Variants in CNTN4 observed in about 807,000 individuals in gnomAD.
CNTN4 encodes the protein contactin 4, also known as contactin-4.
Under a neutral mutation model 122.5 loss-of-function variants are expected in CNTN4, and 77 were observed. That is an observed-to-expected ratio of 0.63 (90% CI 0.52 to 0.76). CNTN4 has a LOEUF of 0.76. Among genes scored for constraint, CNTN4 ranks in the 30% least tolerant of loss-of-function variants. CNTN4 has a pLI of 0.00. For synonymous variants in CNTN4, 512 were observed against 447.0 expected (o/e 1.15, Z -1.83); for missense variants, 1,256 against 1,259.1 (o/e 1.00, Z 0.04).
chr3:2,289,821 G>T (rs893004248), intron 2 of CNTN4, among the ~76,000 whole-genome samples: 2 of 152,130 alleles, frequency 1.3e-5, no homozygotes, highest in Admixed American at 6.6e-5. Context: ...AATAGTCATT[G>T]ATGTGTAAGT....
At chr3:2,106,803 A>T (rs961836345) in intron 2 of CNTN4, among the ~76,000 whole-genome samples, 1 of 152,202 alleles carries the variant, frequency 6.6e-6, no homozygotes, top group African/African-American at 2.4e-5. Context: ...TTTCTACAGC[A>T]TCATCAGGCT....
intron 2 of CNTN4, among the ~76,000 whole-genome samples, chr3:2,214,857 G>T (rs979203705): frequency 1.3e-5 from 2 of 152,134 alleles, no homozygotes; most frequent in Non-Finnish European, 2.9e-5. Context: ...TAGTGATTCA[G>T]AATATTGGAG....
chr3:2,598,038 T>C (rs544711951), intron 4 of CNTN4, among the ~76,000 whole-genome samples: 2 of 152,346 alleles, frequency 1.3e-5, no homozygotes, highest in East Asian at 1.9e-4. Context: ...GAATTGATTT[T>C]TGTAATTCTT....
chr3:3,044,306 C>A (rs1471956858), intron 23 of CNTN4, among the ~76,000 whole-genome samples: 3 of 152,192 alleles, frequency 2.0e-5, no homozygotes, highest in Admixed American at 1.3e-4. Context: ...ACCTAACAAA[C>A]CAACCTGAAG....
At chr3:2,323,439 A>C (rs1153481) in intron 2 of CNTN4, among the ~76,000 whole-genome samples, 126,163 of 152,084 alleles carry the variant, frequency 0.83, 52,828 homozygotes, top group East Asian at 1. Flanking sequence ...TGCTGCTTCA[A>C]GTTTACTTAA....
At chr3:2,273,517 C>G (rs2041383254) in intron 2 of CNTN4, among the ~76,000 whole-genome samples, 1 of 152,160 alleles carries the variant, frequency 6.6e-6, no homozygotes, top group Admixed American at 6.5e-5. Flanking sequence ...ACTTCCATGA[C>G]TGATGAGCCA....
intron 6 of CNTN4, among the ~76,000 whole-genome samples, chr3:2,771,175 C>G (rs1222507935): frequency 6.6e-6 from 1 of 152,180 alleles, no homozygotes; most frequent in Non-Finnish European, 1.5e-5. Flanking sequence ...GGGAGATAGG[C>G]ATGCCACCTC....
intron 2 of CNTN4, among the ~76,000 whole-genome samples, chr3:2,258,781 A>T (rs1376439429): frequency 6.6e-6 from 1 of 151,732 alleles, no homozygotes; most frequent in Admixed American, 6.6e-5. Flanking sequence ...ACCTTTTTAT[A>T]TTTTTTTATT....
rs5846215 is a variant in CNTN4, at chr3:2,709,913, CA to C, written c.56-26292del. Among the ~76,000 whole-genome samples, 32 of 148,216 alleles carry C rather than the reference CA, an allele frequency of 2.2e-4. No homozygotes were observed. Among genetic ancestry groups the C allele is most frequent in the East Asian group, 2.0e-3 (10 of 5,064 alleles). The stretch of plus-strand genomic sequence containing the variant: ...AGACCCTGTCTCAAACATATAAATA[CA>C]AAAAAAAAATAAGAATAAACTCCAA... On this transcript the variant is annotated intron_variant, in intron 4 of 24. Transcript: ENST00000418658. This position sits in a 1 kb window ranked among gnomAD's most constrained non-coding sequence, Gnocchi z 5.0.
chr3:2,445,315 T>C (rs986118191), intron 3 of CNTN4, among the ~76,000 whole-genome samples: 1 of 152,178 alleles, frequency 6.6e-6, no homozygotes, highest in Non-Finnish European at 1.5e-5. Flanking sequence ...CTGCATATTC[T>C]TGGGATTCCT....
intron 3 of CNTN4, among the ~76,000 whole-genome samples, chr3:2,513,817 G>A (rs1045785971): frequency 6.6e-6 from 1 of 152,120 alleles, no homozygotes; most frequent in African/African-American, 2.4e-5. Flanking sequence ...GGTCAGTTTA[G>A]GGTATGTGGT....
rs973240441 is a variant in CNTN4 at position 2,709,126 on chromosome 3, C to G, written c.56-27089C>G. On this transcript the variant is annotated intron_variant, in intron 4 of 24. Transcript: ENST00000418658. The surrounding 1 kb of genome is among the most constrained non-coding windows in gnomAD (Gnocchi z 5.0). ...GCTGAGTTTTTAAGCTAGATCGTTA[C>G]AAATGAAGCCTTACCATTTGATGAA... 6.6e-6 allele frequency among the ~76,000 whole-genome samples: 1 copy of G among 152,098 alleles called. No individual in the cohort carries two copies. The highest frequency in any genetic ancestry group is 1.5e-5 in the Non-Finnish European group (1 of 68,024).
intron 4 of CNTN4, among the ~76,000 whole-genome samples, chr3:2,642,015 G>A (rs2082914381): frequency 6.6e-6 from 1 of 152,200 alleles, no homozygotes; most frequent in Non-Finnish European, 1.5e-5. Flanking sequence ...GAACTAATAG[G>A]ATAGATGTGT....
chr3:2,839,662 C>G (rs1050623101), intron 7 of CNTN4, among the ~76,000 whole-genome samples: 2 of 152,172 alleles, frequency 1.3e-5, no homozygotes, highest in African/African-American at 4.8e-5. Context: ...TGGGAAGACC[C>G]TGAGGAAGTA....
At chr3:2,178,121 T>G (rs1417630531) in intron 2 of CNTN4, among the ~76,000 whole-genome samples, 1 of 151,872 alleles carries the variant, frequency 6.6e-6, no homozygotes, top group Admixed American at 6.6e-5. Flanking sequence ...TTTCATAGCA[T>G]GCATTTCATG....
chr3:2,602,502 G>T (rs2081089241), intron 4 of CNTN4, among the ~76,000 whole-genome samples: 1 of 152,044 alleles, frequency 6.6e-6, no homozygotes, highest in South Asian at 2.1e-4. Flanking sequence ...GCTTCAAAGA[G>T]AATAAAATAC....
chr3:2,897,787 G>T (rs2094131219), intron 10 of CNTN4, among the ~76,000 whole-genome samples: 1 of 152,014 alleles, frequency 6.6e-6, no homozygotes, highest in South Asian at 2.1e-4. Flanking sequence ...GCATCATGGT[G>T]GCCCTCAAAA....
intron 7 of CNTN4, among the ~76,000 whole-genome samples, chr3:2,849,244 T>C (rs183949695): frequency 7.4e-4 from 113 of 152,246 alleles, no homozygotes; most frequent in Non-Finnish European, 1.2e-3. Context: ...TAGGCCCACA[T>C]GAAGCATTTG....
Position 2,556,956 on chromosome 3 carries a change from TAGGCAAGAAAAGAAA to T in CNTN4, c.-88-14458_-88-14444del, listed in dbSNP as rs2078745989. Among the ~76,000 whole-genome samples, 4 of 152,156 alleles carry T rather than the reference TAGGCAAGAAAAGAAA, an allele frequency of 2.6e-5. No individual in the cohort carries two copies. The South Asian group carries it at 8.3e-4, about 31-fold the overall frequency. ...TAAGATGTAGTAAAAGAGGGGCTGG[TAGGCAAGAAAAGAAA>T]AACTGTATGTAGGCATGGATCTTAA... On this transcript the variant is annotated intron_variant, in intron 3 of 24. Coordinates refer to ENST00000418658, the MANE Select transcript of CNTN4 (RefSeq NM_175607.3).
Sources: gnomAD v4.1 joint callset for allele counts (sites outside exome capture counted in the v4.1 genomes callset) on GRCh38, gnomAD v4.1.1 for gene constraint, Gnocchi (gnomAD v3.1) non-coding constraint, MANE v1.5 for transcripts, NCBI Gene and HGNC (gene_info 2026-07-23, HGNC 2026-07-21) for gene names.